MYO5B: variants seen among roughly 807,000 people sequenced by gnomAD.
MYO5B encodes the protein unconventional myosin-Vb.
MYO5B carries 143 observed loss-of-function variants against 229.3 expected under a neutral mutation model. That is an observed-to-expected ratio of 0.62 (90% CI 0.54 to 0.72). The LOEUF (loss-of-function observed/expected upper bound fraction) is 0.72, where lower values mean the gene tolerates loss of function less well. MYO5B is among the 30% of genes least tolerant of loss of function. The pLI is 0.00. For synonymous variants in MYO5B, 918 were observed against 885.2 expected, an observed-to-expected ratio of 1.04 and a Z score of -0.66; for missense variants, 2,321 against 2,331.0, an observed-to-expected ratio of 1.00 and a Z score of 0.09.
At chr18:50,085,946 A>G (rs2031320160) in intron 1 of MYO5B, among the ~76,000 whole-genome samples, 1 of 152,134 alleles carries the variant, frequency 6.6e-6, no homozygotes, top group African/African-American at 2.4e-5. Context: ...GGATAGCATT[A>G]GGAGATATAC....
intron 1 of MYO5B, among the ~76,000 whole-genome samples, chr18:50,108,697 T>C (rs1166190612): frequency 6.6e-6 from 1 of 152,078 alleles, no homozygotes; most frequent in Non-Finnish European, 1.5e-5. Flanking sequence ...ATGCAGCAAT[T>C]ATCTCGGGTT....
At chr18:50,017,846 T>G (rs1312273602) in intron 4 of MYO5B, among the ~76,000 whole-genome samples, 1 of 152,238 alleles carries the variant, frequency 6.6e-6, no homozygotes, top group East Asian at 1.9e-4. Context: ...ATCATTAGAC[T>G]GGTTTAACGT....
intron 3 of MYO5B, among the ~76,000 whole-genome samples, chr18:50,038,339 C>G (rs1366852593): frequency 6.6e-6 from 1 of 152,124 alleles, no homozygotes; most frequent in Non-Finnish European, 1.5e-5. Flanking sequence ...AAAAGAGACA[C>G]TGGGAACGCG....
At chr18:50,184,767 T>C (rs1213343134) in intron 1 of MYO5B, among the ~76,000 whole-genome samples, 1 of 152,076 alleles carries the variant, frequency 6.6e-6, no homozygotes, top group Non-Finnish European at 1.5e-5. Flanking sequence ...GACTGGGTGC[T>C]GTGACTCATG....
At chr18:50,105,526 G>A (rs2031742033) in intron 1 of MYO5B, among the ~76,000 whole-genome samples, 1 of 152,192 alleles carries the variant, frequency 6.6e-6, no homozygotes, top group South Asian at 2.1e-4. Flanking sequence ...CGTACTTCAT[G>A]ATTCCATTTG....
At position 50,157,533 on chromosome 18, in the gene MYO5B, C is replaced by T. The variant is rs2032699956; in HGVS notation, c.27+37234G>A. ...CTCCAACCTGTCAAGCCCTTTCCTG[C>T]CTCTGGGCCTTTGCATTGGCTTTTC... On this transcript the variant is annotated intron_variant, in intron 1 of 39. Coordinates refer to ENST00000285039, the MANE Select transcript of MYO5B (RefSeq NM_001080467.3). Among the ~76,000 whole-genome samples, 4 of 152,206 alleles carry T rather than the reference C, an allele frequency of 2.6e-5. No individual in the cohort carries two copies. In the South Asian group the frequency reaches 8.3e-4, roughly 32 times the overall value.
At chr18:50,118,294 C>G (rs1470183551) in intron 1 of MYO5B, among the ~76,000 whole-genome samples, 2 of 152,186 alleles carry the variant, frequency 1.3e-5, no homozygotes, top group African/African-American at 4.8e-5. Flanking sequence ...TGCAGAAAAA[C>G]AAATCTTAGA....
At chr18:49,993,468 A>T (rs2025954157) in intron 5 of MYO5B, among the ~76,000 whole-genome samples, 1 of 152,084 alleles carries the variant, frequency 6.6e-6, no homozygotes, top group African/African-American at 2.4e-5. Flanking sequence ...ATGCTCCTGA[A>T]AACATGCCAT....
chr18:50,087,670 TA>T (rs1406501920), intron 1 of MYO5B, among the ~76,000 whole-genome samples: 1 of 151,876 alleles, frequency 6.6e-6, no homozygotes. Flanking sequence ...CAGACATCAG[TA>T]AAAACCTCTA....
chr18:50,128,580 C>G (rs1206575680), intron 1 of MYO5B, among the ~76,000 whole-genome samples: 1 of 152,182 alleles, frequency 6.6e-6, no homozygotes, highest in Non-Finnish European at 1.5e-5. Flanking sequence ...CAGGAAGTCT[C>G]TCGTGCCTTG....
chr18:49,833,012 A>C (rs2023941734), intron 39 of MYO5B, among the ~76,000 whole-genome samples: 1 of 152,192 alleles, frequency 6.6e-6, no homozygotes, highest in South Asian at 2.1e-4. Flanking sequence ...TGGGAAAAAA[A>C]GTCATCTTTG....
At chr18:49,872,871 T>C (rs1276274328) in intron 26 of MYO5B, among the ~76,000 whole-genome samples, 2 of 152,242 alleles carry the variant, frequency 1.3e-5, no homozygotes, top group Non-Finnish European at 1.5e-5. Flanking sequence ...TTTTGTTGTT[T>C]TGTCATCCAG....
At chr18:49,876,574 G>T (rs2024526310) in intron 25 of MYO5B, among the ~76,000 whole-genome samples, 1 of 152,158 alleles carries the variant, frequency 6.6e-6, no homozygotes, top group South Asian at 2.1e-4. Flanking sequence ...ACCAGCACTG[G>T]ACCAGTCTTG....
chr18:50,112,494 G>A (rs546441514), intron 1 of MYO5B, among the ~76,000 whole-genome samples: 1 of 152,258 alleles, frequency 6.6e-6, no homozygotes, highest in East Asian at 1.9e-4. Flanking sequence ...AAAGACGGCC[G>A]CATGGGACCC....
chr18:49,880,338 C>T (rs1183146211), intron 23 of MYO5B, 33 bp downstream of exon 23: 2 of 1,579,884 alleles, frequency 1.3e-6, no homozygotes, highest in South Asian at 1.1e-5. Context: ...GAGATTAAAA[C>T]CCCAAATAAA....
At chr18:49,936,706 G>T (rs1344575168) in intron 15 of MYO5B, among the ~76,000 whole-genome samples, 2 of 152,150 alleles carry the variant, frequency 1.3e-5, no homozygotes, top group Non-Finnish European at 2.9e-5. Context: ...CTGAGGGCCT[G>T]GGACCCTGAC....
At chr18:50,188,681 G>A (rs1026671687) in intron 1 of MYO5B, among the ~76,000 whole-genome samples, 5 of 151,154 alleles carry the variant, frequency 3.3e-5, no homozygotes, top group Non-Finnish European at 5.9e-5. Context: ...CAGATACTCA[G>A]GAGGCTGAGG....
rs2031769984 is a variant in MYO5B, at chr18:50,106,813, C to G, written c.28-51435G>C. Among the ~76,000 whole-genome samples the G allele has an allele frequency of 2.0e-5, 3 of 152,322 alleles. No homozygotes were observed. In the South Asian group the frequency reaches 6.2e-4, roughly 32 times the overall value. On this transcript the variant is annotated intron_variant, in intron 1 of 39. Transcript: ENST00000285039. ...TTATTCACTGCTGTATCGTCAGTGT[C>G]TATTATAACAGGAACTCAAGGCTTG... is the stretch of plus-strand genomic sequence containing the variant.
chr18:50,183,657 C>T (rs1359792108), intron 1 of MYO5B, among the ~76,000 whole-genome samples: 1 of 151,800 alleles, frequency 6.6e-6, no homozygotes, highest in Non-Finnish European at 1.5e-5. Flanking sequence ...ATTTTAAGCT[C>T]CTTGAATTTC....
Sources: gnomAD v4.1 joint callset for allele counts (sites outside exome capture counted in the v4.1 genomes callset) on GRCh38, gnomAD v4.1.1 for gene constraint, MANE v1.5 for transcripts, NCBI Gene and HGNC (gene_info 2026-07-23, HGNC 2026-07-21) for gene names.